The following CFAP299 variants were observed in gnomAD, a reference collection of about 807,000 sequenced individuals.
The protein encoded by CFAP299 is cilia- and flagella-associated protein 299.
Under a neutral mutation model 27.0 loss-of-function variants are expected in CFAP299, and 21 were observed. The ratio of observed to expected loss-of-function variants is 0.78; its 90% CI spans 0.55 to 1.12. The LOEUF (loss-of-function observed/expected upper bound fraction) is 1.12, where lower values mean the gene tolerates loss of function less well. CFAP299 is among the 50% of genes most tolerant of loss of function. The pLI, the probability that CFAP299 is intolerant of heterozygous loss-of-function variation, is 0.00. For missense variants in CFAP299, 310 were observed against 276.6 expected (o/e 1.12, Z -0.86); for synonymous variants, 104 against 98.1 (o/e 1.06, Z -0.36).
At chr4:80,850,221 A>C (rs1258541623) in intron 3 of CFAP299, among the ~76,000 whole-genome samples, 1 of 141,190 alleles carries the variant, frequency 7.1e-6, no homozygotes, top group South Asian at 2.3e-4. Context: ...GCATAGCTTT[A>C]TGGCGGTGGG....
intron 2 of CFAP299, among the ~76,000 whole-genome samples, chr4:80,489,423 C>T (rs1008239607): frequency 3.3e-5 from 5 of 152,086 alleles, no homozygotes; most frequent in Non-Finnish European, 5.9e-5. Context: ...TTCAGAGAGT[C>T]TATTACTGAA....
intron 2 of CFAP299, among the ~76,000 whole-genome samples, chr4:80,566,847 A>G (rs1735319169): frequency 6.6e-6 from 1 of 152,088 alleles, no homozygotes; most frequent in African/African-American, 2.4e-5. Flanking sequence ...ACATTCAGAC[A>G]CAAAGAACAT....
At chr4:80,428,777 G>A (rs915157078) in intron 2 of CFAP299, among the ~76,000 whole-genome samples, 5 of 151,012 alleles carry the variant, frequency 3.3e-5, no homozygotes, top group Non-Finnish European at 7.4e-5. Context: ...CTGACCTCAT[G>A]ATTTGCCTGC....
chr4:80,723,309 C>A (rs1393429255), intron 3 of CFAP299, among the ~76,000 whole-genome samples: 1 of 152,070 alleles, frequency 6.6e-6, no homozygotes, highest in African/African-American at 2.4e-5. Context: ...GTTATTGGAG[C>A]ATTATTTGCA....
intron 3 of CFAP299, among the ~76,000 whole-genome samples, chr4:80,723,022 G>T (rs1722929856): frequency 1.3e-5 from 2 of 152,164 alleles, no homozygotes; most frequent in South Asian, 4.1e-4. Context: ...AGTCATTAGA[G>T]AAGTGCAAAT....
At chr4:80,651,489 T>A (rs1017098677) in intron 3 of CFAP299, among the ~76,000 whole-genome samples, 2 of 150,726 alleles carry the variant, frequency 1.3e-5, no homozygotes, top group African/African-American at 4.9e-5. Context: ...CCTCAGCCCC[T>A]CAAGTAACTG....
intron 2 of CFAP299, among the ~76,000 whole-genome samples, chr4:80,576,197 A>AAATATATAT (rs980515680): frequency 6.2e-5 from 2 of 32,460 alleles, no homozygotes; most frequent in African/African-American, 1.2e-4. Flanking sequence ...TAAAAAAAAA[A>AAATATATAT]ATATATATAT....
intron 3 of CFAP299, among the ~76,000 whole-genome samples, chr4:80,614,958 A>AT (rs34733568): frequency 0.64 from 97,746 of 151,940 alleles, 34,599 homozygotes; most frequent in Non-Finnish European, 0.79. Context: ...CTGGTTTCCC[A>AT]TTTTTTCACA....
intron 2 of CFAP299, among the ~76,000 whole-genome samples, chr4:80,370,623 T>G (rs1288713892): frequency 6.6e-6 from 1 of 152,174 alleles, no homozygotes; most frequent in African/African-American, 2.4e-5. Flanking sequence ...CCCAGGCAAG[T>G]CTGAAACCCA....
chr4:80,588,468 TAATC>T (rs1379759202), intron 3 of CFAP299, among the ~76,000 whole-genome samples: 11 of 151,180 alleles, frequency 7.3e-5, no homozygotes, highest in South Asian at 2.1e-4. Flanking sequence ...TTTAGGTATT[TAATC>T]AATCATTTTA....
At chr4:80,872,051 C>T (rs1235158267) in intron 4 of CFAP299, 3 of 151,748 alleles carry the variant, frequency 2.0e-5, no homozygotes, top group African/African-American at 2.4e-5. Flanking sequence ...AAACATTGTC[C>T]TCAAATGTCT....
intron 2 of CFAP299, among the ~76,000 whole-genome samples, chr4:80,451,748 C>T (rs1475169154): frequency 6.6e-6 from 1 of 152,178 alleles, no homozygotes; most frequent in Non-Finnish European, 1.5e-5. Context: ...ATTCAGTCTT[C>T]TCCTTACCTT....
intron 3 of CFAP299, among the ~76,000 whole-genome samples, chr4:80,655,865 T>A (rs964334420): frequency 2.0e-5 from 3 of 152,108 alleles, no homozygotes; most frequent in Non-Finnish European, 4.4e-5. Context: ...AAACGTACAC[T>A]TTTCACCCTG....
chr4:80,366,673 G>C (rs1560532307), intron 2 of CFAP299, among the ~76,000 whole-genome samples: 2 of 152,094 alleles, frequency 1.3e-5, no homozygotes, highest in Non-Finnish European at 2.9e-5. Flanking sequence ...AAAATTCAAC[G>C]TAGAGTTACT....
At chr4:80,619,801 G>C (rs1460023347) in intron 3 of CFAP299, among the ~76,000 whole-genome samples, 1 of 151,960 alleles carries the variant, frequency 6.6e-6, no homozygotes. Context: ...ATAATATATT[G>C]TGTCTAATAA....
chr4:80,388,949 A>G (rs1271735620), intron 2 of CFAP299, among the ~76,000 whole-genome samples: 3 of 152,042 alleles, frequency 2.0e-5, no homozygotes, highest in Non-Finnish European at 4.4e-5. Flanking sequence ...TTTTAAAGGG[A>G]TAATGTCTAC....
chr4:80,403,728 C>T (rs550499168), intron 2 of CFAP299, among the ~76,000 whole-genome samples: 8 of 152,072 alleles, frequency 5.3e-5, no homozygotes, highest in African/African-American at 1.4e-4. Flanking sequence ...TTTTTGTTTG[C>T]GTTGATTGAT....
intron 2 of CFAP299, among the ~76,000 whole-genome samples, chr4:80,390,720 C>CATATATGTATGTATGTATATATGT: frequency 7.2e-6 from 1 of 138,164 alleles, no homozygotes; most frequent in Admixed American, 7.3e-5. Flanking sequence ...TGTATACACA[C>CATATATGTATGTATGTATATATGT]ATACATGTAT....
intron 2 of CFAP299, among the ~76,000 whole-genome samples, chr4:80,473,022 A>G (rs982523261): frequency 6.6e-6 from 1 of 152,198 alleles, no homozygotes; most frequent in Admixed American, 6.5e-5. Context: ...TGACAGAACC[A>G]TTGGTGAAGA....
Sources: allele counts gnomAD v4.1 joint callset (sites outside exome capture counted in the v4.1 genomes callset), GRCh38; gene constraint gnomAD v4.1.1; transcripts MANE v1.5; gene names NCBI Gene and HGNC (gene_info 2026-07-23, HGNC 2026-07-21).